Variants in ANGPTL1 observed in about 807,000 individuals in gnomAD.
The protein encoded by ANGPTL1 is angiopoietin like 1, also known as angiopoietin-related protein 1.
In ANGPTL1, 36 loss-of-function variants were observed where a neutral mutation model predicts 46.7. That is an observed-to-expected ratio of 0.77 (90% confidence interval 0.59 to 1.02). ANGPTL1 has a LOEUF of 1.02. Among genes scored for constraint, ANGPTL1 ranks in the 50% least tolerant of loss-of-function variants. ANGPTL1 has a pLI of 0.00. For synonymous variants in ANGPTL1, 221 were observed against 204.3 expected (o/e 1.08, Z -0.69); for missense variants, 571 against 594.7 (o/e 0.96, Z 0.41).
In ANGPTL1 at chr1:178,853,761, T is replaced by C. The variant is rs1000561357; in HGVS notation, c.850A>G (p.Lys284Glu). 2.5e-6 allele frequency: 4 copies of C among 1,603,918 alleles called. No individual in the cohort carries two copies. Among genetic ancestry groups the C allele is most frequent in the Non-Finnish European group, 3.4e-6 (4 of 1,176,244 alleles). ...EGPFKDCQQA[K>E]EAGHSVSGIY... is the part of the protein sequence containing the mutation. ...CCACTGACCGAATGCCCAGCTTCTT[T>C]TGCTTGCTGACAGTCTTTGAATGGT... is the stretch of plus-strand genomic sequence containing the variant. Residue 284 changes from lysine to glutamate, a missense_variant, in exon 4 of 6, where the codon AAA becomes GAA. By Grantham distance (56) the Lys-to-Glu change is moderately conservative. Transcript: ENST00000234816.
chr1:178,852,114 A>G (rs1401694127), intron 5 of ANGPTL1, among the ~76,000 whole-genome samples: 1 of 152,120 alleles, frequency 6.6e-6, no homozygotes, highest in Admixed American at 6.6e-5. Flanking sequence ...CATGTATCCA[A>G]ATGGCTTGCA....
At chr1:178,856,479 A>C (rs74944562) in intron 3 of ANGPTL1, among the ~76,000 whole-genome samples, 3 of 131,404 alleles carry the variant, frequency 2.3e-5, no homozygotes, top group Non-Finnish European at 3.1e-5. Flanking sequence ...TCCAGGTCTC[A>C]AGTGAACTCC....
At chr1:178,866,132 C>A (rs142343604) in intron 2 of ANGPTL1, among the ~76,000 whole-genome samples, 8 of 152,108 alleles carry the variant, frequency 5.3e-5, no homozygotes, top group Non-Finnish European at 7.4e-5. Flanking sequence ...CTTTTGAGAC[C>A]CTGATAAGAT....
intron 3 of ANGPTL1, among the ~76,000 whole-genome samples, chr1:178,855,673 G>A (rs547761973): frequency 4.0e-5 from 6 of 151,612 alleles, no homozygotes; most frequent in Admixed American, 1.3e-4. Flanking sequence ...CTTTGCATTC[G>A]TTATAAACAT....
intron 3 of ANGPTL1, 112 bp downstream of exon 3, chr1:178,864,842 A>G (rs1658274376): frequency 1.6e-6 from 1 of 614,572 alleles, no homozygotes; most frequent in Non-Finnish European, 2.4e-6. Flanking sequence ...AGAAATTTTA[A>G]TGTACATATA....
intron 2 of ANGPTL1, 73 bp from the exon 3 acceptor site, chr1:178,865,875 C>A (rs4504851): frequency 1.1e-6 from 1 of 893,630 alleles, no homozygotes; most frequent in African/African-American, 1.7e-5. Flanking sequence ...AGTCAGTAAT[C>A]TTAAAAACTA....
At chr1:178,855,682 A>G (rs1657487960) in intron 3 of ANGPTL1, among the ~76,000 whole-genome samples, 2 of 151,868 alleles carry the variant, frequency 1.3e-5, no homozygotes, top group African/African-American at 4.8e-5. Context: ...CGTTATAAAC[A>G]TATTTTCCTT....
intron 3 of ANGPTL1, among the ~76,000 whole-genome samples, chr1:178,862,662 CCTTATT>C (rs1300734801): frequency 1.3e-5 from 2 of 151,098 alleles, no homozygotes; most frequent in African/African-American, 4.9e-5. Context: ...TTGGCTTGAG[CCTTATT>C]CTTTGAGTAG....
intron 2 of ANGPTL1, 27 bp from the exon 3 acceptor site, chr1:178,865,829 G>A: frequency 8.0e-6 from 11 of 1,372,978 alleles, no homozygotes; most frequent in Admixed American, 6.8e-5. Context: ...CAGTGAAGGA[G>A]AAAAAGCAAA....
chr1:178,862,818 T>G (rs759467477), intron 3 of ANGPTL1, among the ~76,000 whole-genome samples: 5 of 152,184 alleles, frequency 3.3e-5, no homozygotes, highest in Non-Finnish European at 7.3e-5. Flanking sequence ...TTAGCCAGAC[T>G]AAGCAAATTG....
chr1:178,858,376 G>A (rs901123245), intron 3 of ANGPTL1, among the ~76,000 whole-genome samples: 6 of 152,014 alleles, frequency 3.9e-5, no homozygotes, highest in Non-Finnish European at 8.8e-5. Context: ...AGAAATTAAT[G>A]ACAAATAGAA....
At chr1:178,859,137 C>G (rs1052850488) in intron 3 of ANGPTL1, among the ~76,000 whole-genome samples, 21 of 110,466 alleles carry the variant, frequency 1.9e-4, no homozygotes, top group Non-Finnish European at 3.1e-4. Flanking sequence ...TTTAGCAACC[C>G]AAACTTTTAA....
rs764571745 is a variant in ANGPTL1 at position 178,865,764 on chromosome 1, T to C, written c.13A>G (p.Thr5Ala). 1.1e-5 allele frequency: 17 copies of C among 1,582,108 alleles called. No individual in the cohort carries two copies. The highest frequency in any genetic ancestry group is 1.5e-5 in the Non-Finnish European group (17 of 1,168,004). The change falls in exon 3 of 6, where the codon ACC becomes GCC. Residue 5 changes from threonine to alanine, a missense_variant. Transcript: ENST00000234816. ...AAGAATAGCACACCTAGGGTCCAGG[T>C]AAAAGTCTTCATTTTGAAATGAGGT... MKTF[T>A]WTLGVLFFLL...
rs751143263 is a variant in ANGPTL1 at position 178,851,137 on chromosome 1, T to A, written c.1468A>T (p.Ile490Phe). Residue 490 changes from isoleucine to phenylalanine, a missense_variant, in exon 6 of 6, where the codon ATT (isoleucine) becomes TTT (phenylalanine). By Grantham distance (21) the Ile-to-Phe change is conservative (BLOSUM62 0). Coordinates refer to ENST00000234816, the MANE Select transcript of ANGPTL1 (RefSeq NM_004673.4). ...TTGGCGAGTGTCTCTCTTCAGTCAA[T>A]AGGCTTGATCATCATCTGAACTGCT... Reference protein sequence around the residue: ...LRAVQMMIKPID With the variant: ...LRAVQMMIKPFD The A allele has an allele frequency of 1.1e-5, 17 of 1,612,538 alleles. No individual in the cohort carries two copies. The highest frequency in any genetic ancestry group is 1.4e-5 in the Non-Finnish European group (17 of 1,179,422).
In ANGPTL1 at chr1:178,851,082, T is replaced by C. The variant is rs892591467; in HGVS notation, c.*47A>G. On this transcript the variant is annotated 3_prime_UTR_variant, in exon 6 of 6. Coordinates refer to ENST00000234816, the MANE Select transcript of ANGPTL1 (RefSeq NM_004673.4). The stretch of plus-strand genomic sequence containing the variant: ...ATGTAACATTTACATTTTTAAGAGC[T>C]GAAAAGTACAAAGTTCTGTGTCATT... 2.6e-6 allele frequency: 4 copies of C among 1,516,486 alleles called. No homozygotes were observed. The highest frequency in any genetic ancestry group is 3.5e-6 in the Non-Finnish European group (4 of 1,127,332). The allele number at this position is 1,516,486 out of a possible 1,614,324, so 93.9% of individuals were successfully genotyped here.
chr1:178,851,465 C>G (rs1657170933), intron 5 of ANGPTL1, 149 bp from the exon 6 acceptor site: 1 of 648,732 alleles, frequency 1.5e-6, no homozygotes, highest in Admixed American at 3.6e-5. Context: ...CCTTCACTTA[C>G]TTGATGGCTG....
intron 1 of ANGPTL1, among the ~76,000 whole-genome samples, chr1:178,869,610 A>T (rs574048369): frequency 1.3e-5 from 2 of 152,234 alleles, no homozygotes; most frequent in African/African-American, 4.8e-5. Context: ...AAATTTTGTT[A>T]GAATTTCTTG....
intron 3 of ANGPTL1, among the ~76,000 whole-genome samples, chr1:178,856,394 A>ATTTTTTTTTTT (rs71108081): frequency 0.017 from 607 of 36,440 alleles, 151 homozygotes; most frequent in Middle Eastern, 0.037. Flanking sequence ...TGCCTGGCTA[A>ATTTTTTTTTTT]TTTTTTTTTT....
chr1:178,865,230 T>G lies in ANGPTL1; in HGVS notation c.547A>C (p.Thr183Pro). 1 of 1,614,126 alleles carries G rather than the reference T, an allele frequency of 6.2e-7. No homozygotes were observed. The highest frequency in any genetic ancestry group is 1.1e-5 in the South Asian group (1 of 91,072). ...RELEVKYASL[T>P]DLVNNQSVMI... Reference sequence around the variant, plus strand: ...ACAGATTGGTTATTGACAAGATCAGTCAAGGAAGCGTATTTCACCTCTAGT... The same window carrying G: ...ACAGATTGGTTATTGACAAGATCAGGCAAGGAAGCGTATTTCACCTCTAGT... The change falls in exon 3 of 6, where the codon ACT becomes CCT. Residue 183 changes from threonine (T) to proline (P), a missense_variant. Physicochemically the swap from Thr to Pro is conservative, Grantham distance 38. Coordinates refer to ENST00000234816, the MANE Select transcript of ANGPTL1 (RefSeq NM_004673.4).
Sources: allele counts gnomAD v4.1 joint callset (sites outside exome capture counted in the v4.1 genomes callset), GRCh38; gene constraint gnomAD v4.1.1; transcripts MANE v1.5; gene names NCBI Gene and HGNC (gene_info 2026-07-23, HGNC 2026-07-21).